The following UBE2G2 variants were observed in gnomAD, a reference collection of about 807,000 sequenced individuals.
The protein encoded by UBE2G2 is ubiquitin-conjugating enzyme E2 G2.
In UBE2G2, 10 loss-of-function variants were observed where a neutral mutation model predicts 23.0. That is an observed-to-expected ratio of 0.43 (90% CI 0.27 to 0.74). The LOEUF (loss-of-function observed/expected upper bound fraction) is 0.74. UBE2G2 is among the 30% of genes least tolerant of loss of function. UBE2G2 has a pLI of 0.19. For synonymous variants in UBE2G2, 86 were observed against 81.3 expected (o/e 1.06, Z -0.31); for missense variants, 150 against 218.3 (o/e 0.69, Z 1.97).
intron 1 of UBE2G2, among the ~76,000 whole-genome samples, chr21:44,795,280 AT>A (rs1555963538): frequency 2.0e-5 from 3 of 152,070 alleles, no homozygotes; most frequent in Non-Finnish European, 4.4e-5. Context: ...ATAAAAAAAA[AT>A]AAATAAATAA....
intron 3 of UBE2G2, among the ~76,000 whole-genome samples, chr21:44,784,492 A>G (rs1303795710): frequency 1.3e-5 from 2 of 152,252 alleles, no homozygotes; most frequent in Non-Finnish European, 2.9e-5. Flanking sequence ...AGAAAATGCT[A>G]TGGTGAGATT....
rs1455547388 is a variant in UBE2G2, at chr21:44,768,658, T to TGACCACAGAG, written c.*2709_*2718dup. 2.6e-5 allele frequency: 4 copies of TGACCACAGAG among 152,214 alleles called. No individual in the cohort carries two copies. The highest frequency in any genetic ancestry group is 9.7e-5 in the African/African-American group (4 of 41,448). 9.4% of individuals were successfully genotyped at this position (152,214 alleles called of 1,614,324 possible). A position where few individuals can be genotyped will look rare whatever the true frequency, so the allele number is the denominator to read the frequency against. On this transcript the variant is annotated 3_prime_UTR_variant, in exon 6 of 6. Transcript: ENST00000345496. ...AGGCAGGTCTCATCGCAACCAACCG[T>TGACCACAGAG]GACCACAGAGGACCACAGAGGAGTG...
chr21:44,779,769 G>A (rs1004662540), intron 3 of UBE2G2, among the ~76,000 whole-genome samples: 1 of 152,168 alleles, frequency 6.6e-6, no homozygotes, highest in Non-Finnish European at 1.5e-5. Context: ...CAAGGATTGT[G>A]GTTTTCATTT....
intron 3 of UBE2G2, among the ~76,000 whole-genome samples, chr21:44,780,827 G>A (rs1473553403): frequency 6.6e-6 from 1 of 152,214 alleles, no homozygotes; most frequent in East Asian, 1.9e-4. Context: ...AGCCTCTTCT[G>A]TCTTTCCACA....
rs1379214003 is a variant in UBE2G2 at position 44,799,286 on chromosome 21, AAG to A, written c.43+2418_43+2419del. ...AAAGTGACCGACATTAGCCCCTAAC[AAG>A]AGTCGCCCTGTCCTTTGAAGCCAGT... On this transcript the variant is annotated intron_variant, in intron 1 of 5. Coordinates refer to ENST00000345496, the MANE Select transcript of UBE2G2 (RefSeq NM_003343.6). Among the ~76,000 whole-genome samples, 7 of 152,332 alleles carry A rather than the reference AAG, an allele frequency of 4.6e-5. No homozygotes were observed. In the South Asian group the frequency reaches 6.2e-4, roughly 14 times the overall value.
rs185788024 is a variant in UBE2G2 at position 44,771,415 on chromosome 21, T to C, written c.460A>G (p.Ile154Val). ...WRDDREQFYK[I>V]AKQIVQKSLG... is the part of the protein sequence containing the mutation. ...GACTTCTGGACGATCTGCTTGGCAA[T>C]CTTATAGAACTGCTCCCGGTCATCG... The change falls in exon 6 of 6, where the codon ATT becomes GTT. Residue 154 changes from isoleucine to valine, a missense_variant. By Grantham distance (29) the Ile-to-Val change is conservative. Coordinates refer to ENST00000345496, the MANE Select transcript of UBE2G2 (RefSeq NM_003343.6). The surrounding 1 kb of genome is among the most constrained non-coding windows in gnomAD (Gnocchi z 4.6). 6 of 1,613,228 alleles carry C rather than the reference T, an allele frequency of 3.7e-6. No individual in the cohort carries two copies. In the Admixed American group the frequency reaches 1.0e-4, roughly 27 times the overall value.
intron 1 of UBE2G2, among the ~76,000 whole-genome samples, chr21:44,789,840 G>A (rs1207433021): frequency 6.6e-6 from 1 of 152,096 alleles, no homozygotes; most frequent in Non-Finnish European, 1.5e-5. Context: ...TAGGTCAGGA[G>A]GGCAGAACTC....
rs2082876410 is a variant in UBE2G2 at position 44,771,702 on chromosome 21, A to C, written c.386-213T>G. The stretch of plus-strand genomic sequence containing the variant: ...CCACTCTCATGACTCCTGCGTTCTG[A>C]GTGTCTGAAGACACCAGGACAAGTT... On this transcript the variant is annotated intron_variant, in intron 5 of 5. Coordinates refer to ENST00000345496, the MANE Select transcript of UBE2G2 (RefSeq NM_003343.6). The surrounding 1 kb of genome is among the most constrained non-coding windows in gnomAD (Gnocchi z 4.6). 6.6e-6 allele frequency among the ~76,000 whole-genome samples: 1 copy of C among 152,118 alleles called. No homozygotes were observed. Among genetic ancestry groups the C allele is most frequent in the Non-Finnish European group, 1.5e-5 (1 of 68,040 alleles).
At chr21:44,792,797 C>T (rs1172767895) in intron 1 of UBE2G2, among the ~76,000 whole-genome samples, 2 of 152,200 alleles carry the variant, frequency 1.3e-5, no homozygotes, top group Non-Finnish European at 2.9e-5. Context: ...AACAGAGGTC[C>T]TGAAGAGACC....
At chr21:44,794,769 C>T (rs1469265031) in intron 1 of UBE2G2, among the ~76,000 whole-genome samples, 2 of 152,058 alleles carry the variant, frequency 1.3e-5, no homozygotes, top group East Asian at 1.9e-4. Context: ...CTCCTGACCT[C>T]GTGATCCGCC....
rs1438186617 is a variant in UBE2G2, at chr21:44,801,806, C to T, written c.-58G>A. On this transcript the variant is annotated 5_prime_UTR_variant, in exon 1 of 6. Coordinates refer to ENST00000345496, the MANE Select transcript of UBE2G2 (RefSeq NM_003343.6). The stretch of plus-strand genomic sequence containing the variant: ...CTCAGCCGCGCGCGTGCCTCCTGCC[C>T]CGACACCGGGGACTGCTTCCGGGCC... 12 of 1,492,200 alleles carry T rather than the reference C, an allele frequency of 8.0e-6. No homozygotes were observed. The Admixed American group carries it at 1.7e-4, about 21-fold the overall frequency. 92.4% of individuals were successfully genotyped at this position (1,492,200 alleles called of 1,614,324 possible). A position where few individuals can be genotyped will look rare whatever the true frequency, so the allele number is the denominator to read the frequency against.
chr21:44,797,844 T>A (rs2146408696), intron 1 of UBE2G2, among the ~76,000 whole-genome samples: 1 of 151,530 alleles, frequency 6.6e-6, no homozygotes, highest in East Asian at 1.9e-4. Context: ...AAATGGTAGG[T>A]GTTCACACAT....
At chr21:44,788,992 G>A (rs1478792907) in intron 1 of UBE2G2, among the ~76,000 whole-genome samples, 1 of 152,052 alleles carries the variant, frequency 6.6e-6, no homozygotes, top group Non-Finnish European at 1.5e-5. Flanking sequence ...GTAAAAGTGA[G>A]TTTGGCACAG....
At position 44,768,860 on chromosome 21, in the gene UBE2G2, T is replaced by A. The variant is rs1171605614; in HGVS notation, c.*2517A>T. 2 of 152,212 alleles carry A rather than the reference T, an allele frequency of 1.3e-5. No homozygotes were observed. The highest frequency in any genetic ancestry group is 2.9e-5 in the Non-Finnish European group (2 of 68,040). 9.4% of individuals were successfully genotyped at this position (152,212 alleles called of 1,614,324 possible). A position where few individuals can be genotyped will look rare whatever the true frequency, so the allele number is the denominator to read the frequency against. On this transcript the variant is annotated 3_prime_UTR_variant, in exon 6 of 6. Transcript: ENST00000345496. The stretch of plus-strand genomic sequence containing the variant: ...TCACAGACCCCAACTAACCTGAGAA[T>A]TCCAGAGGAAGACCACAGAATGACA...
At chr21:44,793,670 G>A (rs1217594485) in intron 1 of UBE2G2, among the ~76,000 whole-genome samples, 7 of 152,176 alleles carry the variant, frequency 4.6e-5, no homozygotes, top group Non-Finnish European at 1.0e-4. Flanking sequence ...AAAAAGAGAC[G>A]AATCTTGGTA....
chr21:44,792,759 A>G (rs2083055595), intron 1 of UBE2G2, among the ~76,000 whole-genome samples: 1 of 152,190 alleles, frequency 6.6e-6, no homozygotes, highest in South Asian at 2.1e-4. Context: ...AATACCACTA[A>G]CACCTGCTGA....
At chr21:44,801,567 C>G (rs2083138199) in intron 1 of UBE2G2, 139 bp downstream of exon 1, 3 of 1,248,060 alleles carry the variant, frequency 2.4e-6, no homozygotes, top group Non-Finnish European at 3.1e-6. Flanking sequence ...CGGCACTCCG[C>G]GGGACCCACA....
At chr21:44,786,412 A>G (rs1555962007) in intron 3 of UBE2G2, among the ~76,000 whole-genome samples, 1 of 152,168 alleles carries the variant, frequency 6.6e-6, no homozygotes, top group African/African-American at 2.4e-5. Context: ...AGACACCGAA[A>G]AAACATGTGC....
At chr21:44,793,177 CTG>C (rs2083058591) in intron 1 of UBE2G2, among the ~76,000 whole-genome samples, 1 of 152,244 alleles carries the variant, frequency 6.6e-6, no homozygotes, top group Non-Finnish European at 1.5e-5. Context: ...GGCAGATAGA[CTG>C]TAAACTGCTA....
Sources: allele counts gnomAD v4.1 joint callset (sites outside exome capture counted in the v4.1 genomes callset), GRCh38; gene constraint gnomAD v4.1.1; non-coding constraint Gnocchi (gnomAD v3.1); transcripts MANE v1.5; gene names NCBI Gene and HGNC (gene_info 2026-07-23, HGNC 2026-07-21).